GLIS3: variants seen among roughly 807,000 people sequenced by gnomAD.
GLIS3 encodes GLIS family zinc finger 3, also known as zinc finger protein GLIS3.
A neutral mutation model predicts 78.6 loss-of-function variants in GLIS3; 53 were observed. The observed-to-expected ratio is 0.67, with a 90% CI of 0.54 to 0.85. The LOEUF is 0.85. Among genes scored for constraint, GLIS3 ranks in the 40% least tolerant of loss-of-function variants. The pLI is 0.00. For synonymous variants in GLIS3, 684 were observed against 509.9 expected, an observed-to-expected ratio of 1.34 and a Z score of -4.60; for missense variants, 1,703 against 1,231.1, an observed-to-expected ratio of 1.38 and a Z score of -5.74.
chr9:4,203,843 A>T (rs1819617465), intron 2 of GLIS3, among the ~76,000 whole-genome samples: 1 of 152,220 alleles, frequency 6.6e-6, no homozygotes, highest in Non-Finnish European at 1.5e-5. Flanking sequence ...ATCCTAAGTG[A>T]ATTAACACAA....
chr9:3,983,543 C>G (rs1200959703), intron 4 of GLIS3, among the ~76,000 whole-genome samples: 1 of 152,106 alleles, frequency 6.6e-6, no homozygotes, highest in Non-Finnish European at 1.5e-5. Flanking sequence ...TTCCTAAAGA[C>G]TTGTTGAATG....
chr9:4,091,090 C>CA (rs1408892931), intron 4 of GLIS3, among the ~76,000 whole-genome samples: 2 of 152,174 alleles, frequency 1.3e-5, no homozygotes, highest in Admixed American at 1.3e-4. Context: ...CATGGTGGCT[C>CA]ATGCCTGTAA....
intron 2 of GLIS3, among the ~76,000 whole-genome samples, chr9:4,217,376 G>A (rs1296182869): frequency 6.6e-6 from 1 of 152,152 alleles, no homozygotes; most frequent in Non-Finnish European, 1.5e-5. Context: ...AAGTCTATCA[G>A]AATCCAGCCT....
intron 4 of GLIS3, among the ~76,000 whole-genome samples, chr9:4,085,273 T>C (rs956289625): frequency 6.8e-6 from 1 of 147,142 alleles, no homozygotes; most frequent in African/African-American, 2.5e-5. Flanking sequence ...TTTTTTTTTT[T>C]AAATCTTTCC....
chr9:4,445,918 T>C, the GLIS3 span, among the ~76,000 whole-genome samples: 153 of 152,362 alleles, frequency 1.0e-3, no homozygotes, highest in Middle Eastern at 3.4e-3. Flanking sequence ...AATTTGTCTC[T>C]AGGTAGTTTT....
intron 4 of GLIS3, among the ~76,000 whole-genome samples, chr9:4,082,458 G>A (rs1828632830): frequency 6.6e-6 from 1 of 152,180 alleles, no homozygotes; most frequent in Admixed American, 6.5e-5. Context: ...AATGGGGTGG[G>A]CAAGATATAA....
At chr9:4,289,402 C>A (rs1828262722) in intron 1 of GLIS3, among the ~76,000 whole-genome samples, 1 of 152,182 alleles carries the variant, frequency 6.6e-6, no homozygotes, top group Admixed American at 6.5e-5. Flanking sequence ...CCACCCCCAT[C>A]AAAGTGCGAG....
intron 2 of GLIS3, among the ~76,000 whole-genome samples, chr9:4,321,129 A>T (rs35974287): frequency 0.12 from 18,275 of 151,046 alleles, 1,275 homozygotes; most frequent in East Asian, 0.22. Context: ...CGCTTTTTTT[A>T]AAATCTCAAG....
intron 4 of GLIS3, among the ~76,000 whole-genome samples, chr9:4,026,988 AT>A (rs1823401642): frequency 6.6e-6 from 1 of 152,202 alleles, no homozygotes; most frequent in Admixed American, 6.5e-5. Flanking sequence ...GAGTCTCATG[AT>A]TTAAGGCCAC....
rs182705146 is a variant in GLIS3 at position 4,099,473 on chromosome 9, G to A, written c.1710+18295C>T. 2.8e-4 allele frequency among the ~76,000 whole-genome samples: 43 copies of A among 152,108 alleles called. No homozygotes were observed. The East Asian group carries it at 7.0e-3, about 25-fold the overall frequency. On this transcript the variant is annotated intron_variant, in intron 4 of 10. Coordinates refer to ENST00000381971, the MANE Select transcript of GLIS3 (RefSeq NM_001042413.2). ...TCCCCCAATGCACACATGTCTTTGT[G>A]TCCAACTTTCTCCTTTTTATTAGAA... is the stretch of plus-strand genomic sequence containing the variant.
At chr9:3,829,544 C>T (rs757581286) in intron 9 of GLIS3, 52 bp from the exon 10 acceptor site, 1 of 1,594,414 alleles carries the variant, frequency 6.3e-7, no homozygotes, top group Non-Finnish European at 8.6e-7. Flanking sequence ...ACAAGTTCCA[C>T]AGATCATTCC....
chr9:4,329,570 G>T (rs543224655), intron 2 of GLIS3, among the ~76,000 whole-genome samples: 1 of 152,108 alleles, frequency 6.6e-6, no homozygotes, highest in East Asian at 1.9e-4. Flanking sequence ...TAATAAGAAT[G>T]TGCTACACAC....
At chr9:4,431,884 G>C in the GLIS3 span, among the ~76,000 whole-genome samples, 3 of 149,988 alleles carry the variant, frequency 2.0e-5, no homozygotes, top group African/African-American at 7.4e-5. Flanking sequence ...AAGTATTTTA[G>C]GCTTTGTGTG....
chr9:4,010,587 A>G (rs1033109462), intron 4 of GLIS3, among the ~76,000 whole-genome samples: 5 of 152,258 alleles, frequency 3.3e-5, no homozygotes, highest in Admixed American at 3.3e-4. Context: ...GAAAGAACAG[A>G]CATGAAATTT....
intron 4 of GLIS3, among the ~76,000 whole-genome samples, chr9:3,997,065 C>T (rs563315420): frequency 7.9e-5 from 12 of 152,136 alleles, no homozygotes; most frequent in African/African-American, 1.2e-4. Context: ...AATTGAGTTG[C>T]GGCCGGGCGC....
At position 3,824,847 on chromosome 9, in the gene GLIS3, T is replaced by C. The variant is rs1034033615; in HGVS notation, c.*3425A>G. The C allele has an allele frequency of 3.9e-5, 6 of 151,900 alleles. No individual in the cohort carries two copies. Among genetic ancestry groups the C allele is most frequent in the Non-Finnish European group, 8.8e-5 (6 of 67,948 alleles). 9.4% of individuals were successfully genotyped at this position (151,900 alleles called of 1,614,324 possible). A position where few individuals can be genotyped will look rare whatever the true frequency, so the allele number is the denominator to read the frequency against. The stretch of plus-strand genomic sequence containing the variant: ...ACATTACACAGGATACTTTGCTGTC[T>C]GTACAAAATAAATCTCTTTTTACAC... On this transcript the variant is annotated 3_prime_UTR_variant, in exon 11 of 11. Coordinates refer to ENST00000381971, the MANE Select transcript of GLIS3 (RefSeq NM_001042413.2).
Position 4,169,444 on chromosome 9 carries a change from C to A in GLIS3, c.389-43503G>T, listed in dbSNP as rs1278489510. Among the ~76,000 whole-genome samples the A allele has an allele frequency of 3.3e-5, 5 of 152,186 alleles. No homozygotes were observed. In the East Asian group the frequency reaches 9.6e-4, roughly 29 times the overall value. ...AACACAGGAGAATGAGTTGGAAGAT[C>A]TGGGTGCCAGTCTCACAGCTACCAC... On this transcript the variant is annotated intron_variant, in intron 2 of 10. Coordinates refer to ENST00000381971, the MANE Select transcript of GLIS3 (RefSeq NM_001042413.2).
chr9:4,055,467 C>G (rs1428222053), intron 4 of GLIS3, among the ~76,000 whole-genome samples: 2 of 152,126 alleles, frequency 1.3e-5, no homozygotes, highest in Admixed American at 1.3e-4. Flanking sequence ...AGATGATCAA[C>G]AGAATAAGTT....
At chr9:4,478,316 A>C in the GLIS3 span, among the ~76,000 whole-genome samples, 1 of 152,154 alleles carries the variant, frequency 6.6e-6, no homozygotes, top group East Asian at 1.9e-4. Context: ...TAATACTTTA[A>C]AAATAAAAAG....
Sources: allele counts gnomAD v4.1 joint callset (sites outside exome capture counted in the v4.1 genomes callset), GRCh38; gene constraint gnomAD v4.1.1; transcripts MANE v1.5; gene names NCBI Gene and HGNC (gene_info 2026-07-23, HGNC 2026-07-21).